Variants in CSMD3 observed in about 807,000 individuals in gnomAD.
CSMD3 encodes CUB and Sushi multiple domains 3.
In CSMD3, 177 loss-of-function variants were observed where a neutral mutation model predicts 435.2. The observed-to-expected ratio is 0.41, with a 90% confidence interval of 0.36 to 0.46. The LOEUF (loss-of-function observed/expected upper bound fraction) is 0.46, where lower values mean the gene tolerates loss of function less well. Among genes scored for constraint, CSMD3 ranks in the 20% least tolerant of loss-of-function variants. CSMD3 has a pLI of 0.34. For missense variants in CSMD3, 4,265 were observed against 4,504.6 expected, an observed-to-expected ratio of 0.95 and a Z score of 1.52; for synonymous variants, 1,656 against 1,520.5, an observed-to-expected ratio of 1.09 and a Z score of -2.07.
At chr8:112,788,282 C>A (rs1323119769) in intron 13 of CSMD3, among the ~76,000 whole-genome samples, 1 of 152,112 alleles carries the variant, frequency 6.6e-6, no homozygotes, top group Admixed American at 6.6e-5. Context: ...TAGCTATATA[C>A]ATGCCTTTTA....
intron 5 of CSMD3, among the ~76,000 whole-genome samples, chr8:113,073,726 T>C (rs1029749729): frequency 6.6e-6 from 1 of 151,530 alleles, no homozygotes; most frequent in African/African-American, 2.4e-5. Context: ...AGTAAAAATA[T>C]AGAAAATTTT....
At chr8:112,520,111 G>A (rs1824116753) in intron 27 of CSMD3, among the ~76,000 whole-genome samples, 1 of 151,906 alleles carries the variant, frequency 6.6e-6, no homozygotes. Flanking sequence ...ATTAAATAGG[G>A]TTCTATTGTT....
At chr8:113,336,851 T>C (rs1229058316) in intron 1 of CSMD3, among the ~76,000 whole-genome samples, 1 of 152,214 alleles carries the variant, frequency 6.6e-6, no homozygotes, top group East Asian at 1.9e-4. Context: ...CCAGCAGAGA[T>C]GAGTATTCTA....
At chr8:112,658,967 A>G (rs931671223) in intron 17 of CSMD3, among the ~76,000 whole-genome samples, 2 of 152,148 alleles carry the variant, frequency 1.3e-5, no homozygotes, top group Non-Finnish European at 2.9e-5. Flanking sequence ...AAGAAAAAAA[A>G]AAGAAATTGT....
At chr8:112,837,323 G>C (rs1395069340) in intron 11 of CSMD3, among the ~76,000 whole-genome samples, 1 of 151,620 alleles carries the variant, frequency 6.6e-6, no homozygotes, top group African/African-American at 2.4e-5. Context: ...CTTTGATGAT[G>C]TTTAACCAAA....
At chr8:113,098,095 G>C (rs1044032636) in intron 5 of CSMD3, among the ~76,000 whole-genome samples, 1 of 151,860 alleles carries the variant, frequency 6.6e-6, no homozygotes, top group Admixed American at 6.6e-5. Context: ...TAATTGTTTT[G>C]GATAAATTCC....
intron 2 of CSMD3, among the ~76,000 whole-genome samples, chr8:113,289,225 A>G (rs2093667253): frequency 6.6e-6 from 1 of 151,842 alleles, no homozygotes; most frequent in Non-Finnish European, 1.5e-5. Flanking sequence ...GCTACTCTTG[A>G]GAAAGATGAC....
chr8:112,597,278 A>G (rs2131396255), intron 22 of CSMD3, among the ~76,000 whole-genome samples: 1 of 152,316 alleles, frequency 6.6e-6, no homozygotes, highest in Admixed American at 6.5e-5. Flanking sequence ...AGAAATGGAT[A>G]AATTCCTCAA....
chr8:113,338,902 T>C (rs1369800252), intron 1 of CSMD3, among the ~76,000 whole-genome samples: 1 of 152,008 alleles, frequency 6.6e-6, no homozygotes, highest in African/African-American at 2.4e-5. Flanking sequence ...TTCTCTAAAA[T>C]ATGACTTATT....
intron 9 of CSMD3, among the ~76,000 whole-genome samples, chr8:112,926,939 A>G (rs1361119502): frequency 6.6e-6 from 1 of 152,142 alleles, no homozygotes; most frequent in Non-Finnish European, 1.5e-5. Context: ...GCAGATGCAT[A>G]TTTTTCAAAA....
At chr8:113,098,011 G>C (rs934483775) in intron 5 of CSMD3, among the ~76,000 whole-genome samples, 1 of 151,940 alleles carries the variant, frequency 6.6e-6, no homozygotes, top group African/African-American at 2.4e-5. Context: ...TTCCTACAGC[G>C]AATCGAGTCC....
intron 57 of CSMD3, among the ~76,000 whole-genome samples, chr8:112,288,903 G>C: frequency 6.6e-6 from 1 of 151,868 alleles, no homozygotes. Flanking sequence ...ACAACATTTT[G>C]GACTTTATTT....
In CSMD3 at chr8:112,511,217, C is replaced by T. The variant is rs1347455215; in HGVS notation, c.4757-4388G>A. 3.3e-5 allele frequency among the ~76,000 whole-genome samples: 5 copies of T among 151,856 alleles called. 1 individual carries two copies. The highest frequency in any genetic ancestry group is 4.2e-4 in the South Asian group (2 of 4,816). ...CATTGTGTCTAAAAAATGTACCTAA[C>T]GTAATTAAAAATACTTTATTGCTAA... On this transcript the variant is annotated intron_variant, in intron 28 of 70. Coordinates refer to ENST00000297405, the MANE Select transcript of CSMD3 (RefSeq NM_198123.2).
In CSMD3 at chr8:112,492,501, G is replaced by T. The variant is rs1424943206; in HGVS notation, c.5266C>A (p.Pro1756Thr). 6.2e-7 allele frequency: 1 copy of T among 1,613,496 alleles called. No individual in the cohort carries two copies. Among genetic ancestry groups the T allele is most frequent in the Non-Finnish European group, 8.5e-7 (1 of 1,179,546 alleles). ...DGRPGWNRAL[P>T]SCHAPCGSRS... is the part of the protein sequence containing the mutation. ...ATATGTTCCTTACCATGACAACTTGGCAAGGCTCTATTCCATCCAGGTCTT... is the reference window on the plus strand; with the variant it reads ...ATATGTTCCTTACCATGACAACTTGTCAAGGCTCTATTCCATCCAGGTCTT... The change falls in exon 31 of 71, where the codon CCA becomes ACA. Residue 1756 changes from proline (P) to threonine (T), a missense_variant. By Grantham distance (38) the Pro-to-Thr change is conservative (BLOSUM62 -1). Around this residue, in one of 3 missense-constraint regions of CSMD3, gnomAD observed 3,255 missense variants for 3,380.2 expected, o/e 0.96. Coordinates refer to ENST00000297405, the MANE Select transcript of CSMD3 (RefSeq NM_198123.2).
At chr8:113,218,859 T>G (rs1273829549) in intron 3 of CSMD3, among the ~76,000 whole-genome samples, 2 of 151,306 alleles carry the variant, frequency 1.3e-5, no homozygotes, top group African/African-American at 4.8e-5. Flanking sequence ...ATCTTGGGGA[T>G]GGGATCCAAG....
chr8:112,292,186 T>C (rs1394060225), intron 55 of CSMD3, among the ~76,000 whole-genome samples: 1 of 151,846 alleles, frequency 6.6e-6, no homozygotes, highest in East Asian at 1.9e-4. Context: ...AAAAAGAAAA[T>C]AAATGCCAAA....
At chr8:112,897,763 G>T (rs1182006380) in intron 10 of CSMD3, among the ~76,000 whole-genome samples, 1 of 148,340 alleles carries the variant, frequency 6.7e-6, no homozygotes, top group Non-Finnish European at 1.5e-5. Context: ...AGATAAAAGA[G>T]TGAAAAAAAT....
intron 27 of CSMD3, among the ~76,000 whole-genome samples, chr8:112,549,982 T>C (rs563354583): frequency 2.6e-5 from 4 of 152,162 alleles, no homozygotes; most frequent in Admixed American, 1.3e-4. Context: ...AAAGAGATAA[T>C]GTGCATTAAC....
intron 23 of CSMD3, among the ~76,000 whole-genome samples, chr8:112,576,711 T>TA (rs1829971094): frequency 8.1e-6 from 1 of 122,930 alleles, no homozygotes; most frequent in Non-Finnish European, 1.9e-5. Flanking sequence ...TTGTATTTTT[T>TA]ATACAAATGG....
Sources: gnomAD v4.1 joint callset for allele counts (sites outside exome capture counted in the v4.1 genomes callset) on GRCh38, gnomAD v4.1.1 for gene constraint, gnomAD v4.1.1 regional missense constraint, MANE v1.5 for transcripts, NCBI Gene and HGNC (gene_info 2026-07-23, HGNC 2026-07-21) for gene names.